SLC44A3: variants seen among roughly 807,000 people sequenced by gnomAD.
SLC44A3 encodes the protein choline transporter-like protein 3.
Under a neutral mutation model 75.4 loss-of-function variants are expected in SLC44A3, and 74 were observed. The observed-to-expected ratio is 0.98, with a 90% CI of 0.81 to 1.19. SLC44A3 has a LOEUF of 1.19. Ranked by LOEUF, SLC44A3 falls within the 50% of genes most tolerant of loss-of-function variation. SLC44A3 has a pLI of 0.00. For missense variants in SLC44A3, 700 were observed against 778.6 expected (o/e 0.90, Z 1.20); for synonymous variants, 310 against 296.9 (o/e 1.04, Z -0.45).
intron 12 of SLC44A3, among the ~76,000 whole-genome samples, chr1:94,887,410 G>C (rs1669700254): frequency 6.6e-6 from 1 of 152,076 alleles, no homozygotes; most frequent in African/African-American, 2.4e-5. Context: ...AATGCTAGTG[G>C]TATGGTACCT....
intron 6 of SLC44A3, 113 bp downstream of exon 6, chr1:94,837,984 AT>A: frequency 1.0e-6 from 1 of 987,784 alleles, no homozygotes. Context: ...AAAACTCTGT[AT>A]TTTTAATAGA....
intron 12 of SLC44A3, among the ~76,000 whole-genome samples, chr1:94,878,241 A>C (rs907667533): frequency 6.8e-6 from 1 of 147,698 alleles, no homozygotes; most frequent in African/African-American, 2.5e-5. Context: ...TCACAAAAAA[A>C]CCAAAACAAA....
chr1:94,894,401 C>CT (rs1670552298), intron 14 of SLC44A3, among the ~76,000 whole-genome samples: 1 of 152,190 alleles, frequency 6.6e-6, no homozygotes, highest in South Asian at 2.1e-4. Context: ...GGCCCCTTCC[C>CT]TGAGTTTTCC....
At position 94,837,786 on chromosome 1, in the gene SLC44A3, A is replaced by G. The variant is rs1663022784; in HGVS notation, c.585A>G (p.Ile195Met). 13 of 1,612,808 alleles carry G rather than the reference A, an allele frequency of 8.1e-6. No homozygotes were observed. The highest frequency in any genetic ancestry group is 1.1e-5 in the Non-Finnish European group (13 of 1,179,592). Residue 195 changes from isoleucine (I) to methionine (M), a missense_variant, in exon 6 of 15, where the codon ATA (isoleucine) becomes ATG (methionine). By Grantham distance (10) the Ile-to-Met change is conservative (BLOSUM62 1). Transcript: ENST00000271227. ...ECYSLFASVL[I>M]NDVDTLHRIL... Reference sequence around the variant, plus strand: ...ACTCCCTATTTGCATCTGTTTTGATAAATGATGTTGACACCCTCCACCGAA... The same window carrying G: ...ACTCCCTATTTGCATCTGTTTTGATGAATGATGTTGACACCCTCCACCGAA...
At chr1:94,827,160 C>G (rs1013909410) in intron 3 of SLC44A3, among the ~76,000 whole-genome samples, 2 of 152,202 alleles carry the variant, frequency 1.3e-5, no homozygotes, top group African/African-American at 4.8e-5. Context: ...TCCGTGGAGT[C>G]CATTGAATAG....
intron 3 of SLC44A3, among the ~76,000 whole-genome samples, chr1:94,825,251 A>C (rs1255182003): frequency 6.6e-6 from 1 of 152,262 alleles, no homozygotes; most frequent in African/African-American, 2.4e-5. Context: ...ATGAACTTCT[A>C]AGATGGAGAC....
chr1:94,856,737 C>CT (rs1202321312), intron 9 of SLC44A3, among the ~76,000 whole-genome samples: 88 of 151,064 alleles, frequency 5.8e-4, no homozygotes, highest in East Asian at 4.7e-3. Context: ...TCTTCTTCTT[C>CT]TTTTTTTTTG....
intron 3 of SLC44A3, among the ~76,000 whole-genome samples, chr1:94,827,081 A>T (rs1322189754): frequency 6.6e-6 from 1 of 152,000 alleles, no homozygotes; most frequent in African/African-American, 2.4e-5. Context: ...CCTCCTTTCC[A>T]CTTCTCACTT....
intron 9 of SLC44A3, chr1:94,855,305 A>G (rs574585419): frequency 6.6e-6 from 1 of 152,318 alleles, no homozygotes; most frequent in East Asian, 1.9e-4. Flanking sequence ...CCCGCAAACT[A>G]TTCGTGATAT....
chr1:94,877,886 G>A lies in SLC44A3; in HGVS notation c.1482+10469G>A, dbSNP rs1167386731. On this transcript the variant is annotated intron_variant, in intron 12 of 14. Transcript: ENST00000271227. ...GGATGCACCCCAGTGTGGGTGGAGA[G>A]GGGTGCTCTGGGTGTGTTTGCCATG... Among the ~76,000 whole-genome samples, 3 of 152,096 alleles carry A rather than the reference G, an allele frequency of 2.0e-5. No individual in the cohort carries two copies. The South Asian group carries it at 6.2e-4, about 31-fold the overall frequency.
intron 3 of SLC44A3, 134 bp downstream of exon 3, chr1:94,824,769 AT>A: frequency 1.8e-6 from 2 of 1,081,296 alleles, no homozygotes; most frequent in South Asian, 3.7e-5. Flanking sequence ...AAGGCTGTGT[AT>A]ATAGTACAGG....
chr1:94,842,149 G>A, intron 8 of SLC44A3, 25 bp downstream of exon 8: 1 of 1,574,902 alleles, frequency 6.3e-7, no homozygotes, highest in Non-Finnish European at 8.6e-7. Context: ...TCTAGCAGTA[G>A]GTCAGGTAGC....
intron 3 of SLC44A3, among the ~76,000 whole-genome samples, chr1:94,826,408 T>A (rs1661348009): frequency 6.6e-6 from 1 of 152,140 alleles, no homozygotes; most frequent in African/African-American, 2.4e-5. Context: ...TCCCAACAGT[T>A]TGGAAGGCCA....
chr1:94,867,222 G>C, intron 11 of SLC44A3, 109 bp from the exon 12 acceptor site: 1 of 840,852 alleles, frequency 1.2e-6, no homozygotes, highest in East Asian at 2.7e-5. Context: ...CACGCCACCA[G>C]TGTTTCCCCA....
intron 10 of SLC44A3, among the ~76,000 whole-genome samples, chr1:94,863,335 A>T (rs1220312357): frequency 6.6e-6 from 1 of 152,182 alleles, no homozygotes; most frequent in East Asian, 1.9e-4. Context: ...GTGAAACCTC[A>T]GAAAGCTGAT....
At chr1:94,837,601 C>A in intron 5 of SLC44A3, 110 bp from the exon 6 acceptor site, 1 of 1,105,276 alleles carries the variant, frequency 9.0e-7, no homozygotes, top group South Asian at 1.8e-5. Flanking sequence ...AGACGCCTCT[C>A]TATTACTGTA....
intron 2 of SLC44A3, among the ~76,000 whole-genome samples, chr1:94,821,747 A>C (rs10782993): frequency 0.96 from 146,120 of 152,274 alleles, 70,413 homozygotes; most frequent in Non-Finnish European, 1. Flanking sequence ...CCATGCCAGG[A>C]TAAGGCATGC....
chr1:94,861,781 C>T (rs2101365831), intron 10 of SLC44A3, among the ~76,000 whole-genome samples: 1 of 152,228 alleles, frequency 6.6e-6, no homozygotes, highest in East Asian at 1.9e-4. Context: ...CCATCAGGTA[C>T]CAGGATATGG....
chr1:94,880,974 C>G (rs528410050), intron 12 of SLC44A3, among the ~76,000 whole-genome samples: 1 of 150,920 alleles, frequency 6.6e-6, no homozygotes, highest in African/African-American at 2.4e-5. Context: ...TGGGCCAAGG[C>G]GAGAGAATTG....
Sources: gnomAD v4.1 joint callset for allele counts (sites outside exome capture counted in the v4.1 genomes callset) on GRCh38, gnomAD v4.1.1 for gene constraint, MANE v1.5 for transcripts, NCBI Gene and HGNC (gene_info 2026-07-23, HGNC 2026-07-21) for gene names.